The following KIFAP3 variants were observed in gnomAD, a reference collection of about 807,000 sequenced individuals.
The protein encoded by KIFAP3 is kinesin-associated protein 3.
KIFAP3 carries 68 observed loss-of-function variants against 106.5 expected under a neutral mutation model. The ratio of observed to expected loss-of-function variants is 0.64; its 90% CI spans 0.53 to 0.78. The LOEUF (loss-of-function observed/expected upper bound fraction) is 0.78, where lower values mean the gene tolerates loss of function less well. KIFAP3 is among the 30% of genes least tolerant of loss of function. KIFAP3 has a pLI of 0.00. For synonymous variants in KIFAP3, 320 were observed against 311.5 expected (o/e 1.03, Z -0.29); for missense variants, 780 against 941.8 (o/e 0.83, Z 2.25).
rs751783228 is a variant in KIFAP3 at position 170,058,928 on chromosome 1, A to G, written c.33-3492T>C. 3.2e-4 allele frequency among the ~76,000 whole-genome samples: 49 copies of G among 152,244 alleles called. 1 individual carries two copies. The highest frequency in any genetic ancestry group is 1.3e-3 in the Admixed American group (20 of 15,282). On this transcript the variant is annotated intron_variant, in intron 1 of 19. Coordinates refer to ENST00000361580, the MANE Select transcript of KIFAP3 (RefSeq NM_014970.4). Reference sequence around the variant, plus strand: ...CTGCTCCTGAATGACTACTGGGTACATAACAAAATGAAGGCAGAAATAAAG... The same window carrying G: ...CTGCTCCTGAATGACTACTGGGTACGTAACAAAATGAAGGCAGAAATAAAG...
chr1:170,079,207 A>G (rs1671976018), upstream of KIFAP3, among the ~76,000 whole-genome samples: 1 of 152,154 alleles, frequency 6.6e-6, no homozygotes, highest in Non-Finnish European at 1.5e-5. Flanking sequence ...GTTGACAAAA[A>G]GAGCCTAGCA....
chr1:169,992,442 A>G (rs1289511077), intron 10 of KIFAP3, among the ~76,000 whole-genome samples, 187 bp from the exon 11 acceptor site: 2 of 152,198 alleles, frequency 1.3e-5, no homozygotes, highest in African/African-American at 4.8e-5. Flanking sequence ...TATGTGAAAC[A>G]TCACTAATTT....
chr1:170,018,404 T>C (rs1458158119), intron 9 of KIFAP3, among the ~76,000 whole-genome samples: 2 of 152,146 alleles, frequency 1.3e-5, no homozygotes, highest in African/African-American at 4.8e-5. Context: ...ACACAACTTA[T>C]TTAGTAAGAG....
intron 11 of KIFAP3, among the ~76,000 whole-genome samples, chr1:169,988,714 T>G (rs1021648476): frequency 1.2e-4 from 19 of 152,032 alleles, no homozygotes; most frequent in African/African-American, 4.6e-4. Context: ...CCATGATTCT[T>G]TTATTTTGCA....
At chr1:169,922,436 T>C (rs1315240192) in intron 19 of KIFAP3, among the ~76,000 whole-genome samples, 1 of 152,216 alleles carries the variant, frequency 6.6e-6, no homozygotes, top group Non-Finnish European at 1.5e-5. Context: ...ATTACAAATT[T>C]TGGTTCAACT....
At chr1:169,969,400 C>T (rs762034041) in intron 17 of KIFAP3, among the ~76,000 whole-genome samples, 3 of 151,974 alleles carry the variant, frequency 2.0e-5, no homozygotes, top group Non-Finnish European at 4.4e-5. Context: ...ACCATAACAA[C>T]GGGTGATGTA....
At chr1:170,065,713 C>A (rs1671411402) in intron 1 of KIFAP3, among the ~76,000 whole-genome samples, 1 of 149,642 alleles carries the variant, frequency 6.7e-6, no homozygotes, top group Non-Finnish European at 1.5e-5. Flanking sequence ...TCACTAGCTA[C>A]ATGGGTCTAT....
At chr1:170,045,027 G>A (rs1195841084) in intron 3 of KIFAP3, among the ~76,000 whole-genome samples, 2 of 152,146 alleles carry the variant, frequency 1.3e-5, no homozygotes, top group African/African-American at 2.4e-5. Context: ...TGGCAATATA[G>A]TTATTTGCAT....
chr1:169,973,446 T>TA (rs58725585), intron 16 of KIFAP3, among the ~76,000 whole-genome samples: 137,122 of 147,802 alleles, frequency 0.93, 63,651 homozygotes, highest in East Asian at 1. Context: ...TTCCTGAAAT[T>TA]AAAAAAAAGG....
At chr1:170,031,829 A>C in intron 8 of KIFAP3, 57 bp downstream of exon 8, 1 of 1,098,490 alleles carries the variant, frequency 9.1e-7, no homozygotes, top group Non-Finnish European at 1.4e-6. Context: ...AGTGAACAAA[A>C]CAAATGTATT....
chr1:169,922,725 C>A (rs950889419), intron 19 of KIFAP3, among the ~76,000 whole-genome samples: 6 of 152,080 alleles, frequency 3.9e-5, no homozygotes, highest in Non-Finnish European at 8.8e-5. Flanking sequence ...GCTTGACTTC[C>A]AATCAATGGA....
At chr1:170,021,329 A>C (rs2102014566) in intron 9 of KIFAP3, among the ~76,000 whole-genome samples, 1 of 152,010 alleles carries the variant, frequency 6.6e-6, no homozygotes, top group South Asian at 2.1e-4. Flanking sequence ...AATTGTTGCT[A>C]ATTATATCAG....
chr1:170,014,416 T>C (rs1668404479), intron 10 of KIFAP3, among the ~76,000 whole-genome samples: 1 of 152,244 alleles, frequency 6.6e-6, no homozygotes, highest in African/African-American at 2.4e-5. Context: ...GCTCTAGCTA[T>C]GCCTTAGGTA....
intron 1 of KIFAP3, among the ~76,000 whole-genome samples, chr1:170,069,573 T>A (rs1390334282): frequency 6.6e-6 from 1 of 152,166 alleles, no homozygotes; most frequent in East Asian, 1.9e-4. Context: ...TACATGATTA[T>A]CTCAATCGAT....
intron 19 of KIFAP3, among the ~76,000 whole-genome samples, chr1:169,930,287 G>A (rs1026904697): frequency 7.2e-5 from 11 of 152,090 alleles, no homozygotes; most frequent in African/African-American, 1.9e-4. Context: ...AGCGCTTGTC[G>A]TGTACTGTCA....
intron 19 of KIFAP3, among the ~76,000 whole-genome samples, chr1:169,928,723 T>TAAAAAAAAAAAAAAAAAAAAAAAA (rs1258694998): frequency 2.0e-3 from 133 of 65,256 alleles, no homozygotes; most frequent in South Asian, 2.5e-3. Context: ...AAAAAAAAAT[T>TAAAAAAAAAAAAAAAAAAAAAAAA]AAAGTTATAC....
intron 6 of KIFAP3, 150 bp downstream of exon 6, chr1:170,035,304 A>G (rs1301740449): frequency 6.3e-6 from 3 of 478,148 alleles, no homozygotes; most frequent in African/African-American, 4.0e-5. Context: ...AAGACAGACA[A>G]TGGAAAACAG....
intron 10 of KIFAP3, among the ~76,000 whole-genome samples, chr1:169,993,648 A>C (rs7527029): frequency 1 from 58,440 of 58,582 alleles, 29,217 homozygotes; most frequent in East Asian, 1. Context: ...TTGTACCCAG[A>C]AGGTGAGGCT....
chr1:170,037,111 T>C (rs1225242209), intron 5 of KIFAP3, among the ~76,000 whole-genome samples: 6 of 152,320 alleles, frequency 3.9e-5, no homozygotes, highest in South Asian at 4.1e-4. Context: ...GGTATTGGTA[T>C]GTATATCATC....
Sources: gnomAD v4.1 joint callset for allele counts (sites outside exome capture counted in the v4.1 genomes callset) on GRCh38, gnomAD v4.1.1 for gene constraint, MANE v1.5 for transcripts, NCBI Gene and HGNC (gene_info 2026-07-23, HGNC 2026-07-21) for gene names.